Variants in SNTG1 observed in about 807,000 individuals in gnomAD.
The protein encoded by SNTG1 is gamma-1-syntrophin.
Under a neutral mutation model 74.7 loss-of-function variants are expected in SNTG1, and 39 were observed. That is an observed-to-expected ratio of 0.52 (90% CI 0.40 to 0.68). The LOEUF is 0.68. Ranked by LOEUF, SNTG1 falls within the 30% of genes least tolerant of loss-of-function variation. SNTG1 has a pLI of 0.00. For synonymous variants in SNTG1, 254 were observed against 217.1 expected (o/e 1.17, Z -1.49); for missense variants, 685 against 609.5 (o/e 1.12, Z -1.30).
In SNTG1 at chr8:50,708,046, C is replaced by G. The variant is rs1365882776; in HGVS notation, c.1192-840C>G. 8 of 259,446 alleles carry G rather than the reference C, an allele frequency of 3.1e-5. No homozygotes were observed. In the East Asian group the frequency reaches 5.1e-4, roughly 17 times the overall value. The allele number at this position is 259,446 out of a possible 1,614,324, so 16.1% of individuals were successfully genotyped here. A position where few individuals can be genotyped will look rare whatever the true frequency, so the allele number is the denominator to read the frequency against. ...TGAAACCCCGTCTCTACTAAAAATA[C>G]AAAAATTAGCCAGGCACGGTGGCGG... On this transcript the variant is annotated intron_variant, in intron 16 of 18. Transcript: ENST00000642720.
At chr8:50,581,160 A>T in intron 12 of SNTG1, among the ~76,000 whole-genome samples, 1 of 152,096 alleles carries the variant, frequency 6.6e-6, no homozygotes, top group Non-Finnish European at 1.5e-5. Flanking sequence ...AAGAGCACAT[A>T]AAATTATAAG....
At chr8:50,508,527 A>C (rs1308759081) in intron 9 of SNTG1, among the ~76,000 whole-genome samples, 1 of 152,230 alleles carries the variant, frequency 6.6e-6, no homozygotes, top group Non-Finnish European at 1.5e-5. Context: ...ACTAGTTTAC[A>C]GTCCCACCAA....
At chr8:50,202,795 G>GA (rs1193179539) in intron 2 of SNTG1, among the ~76,000 whole-genome samples, 1 of 133,258 alleles carries the variant, frequency 7.5e-6, no homozygotes, top group Non-Finnish European at 1.7e-5. Flanking sequence ...TCTTTGTTTT[G>GA]TTTTTTTTTT....
At chr8:49,928,266 C>A in intron 1 of SNTG1, among the ~76,000 whole-genome samples, 1 of 151,536 alleles carries the variant, frequency 6.6e-6, no homozygotes, top group Non-Finnish European at 1.5e-5. Flanking sequence ...CTAGCTCTGT[C>A]CCCCAGACTG....
chr8:50,044,545 CATG>C (rs1319147756), intron 1 of SNTG1, among the ~76,000 whole-genome samples: 1 of 152,118 alleles, frequency 6.6e-6, no homozygotes, highest in Non-Finnish European at 1.5e-5. Context: ...TTACTTTGAA[CATG>C]ATATTTTGTG....
At chr8:50,783,215 C>T (rs111561865) in intron 18 of SNTG1, among the ~76,000 whole-genome samples, 116 of 152,296 alleles carry the variant, frequency 7.6e-4, no homozygotes, top group African/African-American at 2.5e-3. Flanking sequence ...AGAACCACTG[C>T]TCTCTTCAAA....
intron 15 of SNTG1, among the ~76,000 whole-genome samples, chr8:50,683,274 C>T (rs1194756745): frequency 1.3e-5 from 2 of 152,032 alleles, no homozygotes; most frequent in Admixed American, 6.6e-5. Context: ...AATATTTCCC[C>T]GTTGAAAGTT....
intron 8 of SNTG1, among the ~76,000 whole-genome samples, chr8:50,498,645 A>T (rs2093924738): frequency 6.6e-6 from 1 of 151,902 alleles, no homozygotes; most frequent in Non-Finnish European, 1.5e-5. Flanking sequence ...TTGGATTAAT[A>T]ACTACAAAAA....
chr8:50,456,444 A>C lies in SNTG1; in HGVS notation c.363+5715A>C, dbSNP rs1201383618. ...GGAAGTCCAAGATTAAGGCACCAAC[A>C]GGCTTGGAGTGCACTGAGGGCTGCT... is the stretch of plus-strand genomic sequence containing the variant. On this transcript the variant is annotated intron_variant, in intron 8 of 18. Coordinates refer to ENST00000642720, the MANE Select transcript of SNTG1 (RefSeq NM_018967.5). 2.6e-5 allele frequency among the ~76,000 whole-genome samples: 4 copies of C among 152,016 alleles called. No homozygotes were observed. The East Asian group carries it at 7.8e-4, about 30-fold the overall frequency.
intron 2 of SNTG1, among the ~76,000 whole-genome samples, chr8:50,267,038 C>A (rs2087519407): frequency 6.6e-6 from 1 of 151,824 alleles, no homozygotes; most frequent in Non-Finnish European, 1.5e-5. Flanking sequence ...TTCTGCTATC[C>A]TTAGGACATA....
intron 13 of SNTG1, among the ~76,000 whole-genome samples, chr8:50,625,887 C>G (rs2094953304): frequency 6.6e-6 from 1 of 152,124 alleles, no homozygotes; most frequent in Non-Finnish European, 1.5e-5. Flanking sequence ...GATAAGAGTA[C>G]ATATTTATTG....
At chr8:50,276,297 G>A (rs1188949973) in intron 2 of SNTG1, among the ~76,000 whole-genome samples, 2 of 151,602 alleles carry the variant, frequency 1.3e-5, no homozygotes, top group Non-Finnish European at 2.9e-5. Flanking sequence ...GTTCTTAGCA[G>A]TATGCTGTGA....
At chr8:50,530,041 T>C in intron 9 of SNTG1, 136 bp from the exon 10 acceptor site, 1 of 728,462 alleles carries the variant, frequency 1.4e-6, no homozygotes, top group African/African-American at 1.8e-5. Context: ...GGCTTTAGTA[T>C]AACTGAGATA....
chr8:49,951,613 T>G (rs1301742660), intron 1 of SNTG1, among the ~76,000 whole-genome samples: 289 of 102,488 alleles, frequency 2.8e-3, no homozygotes, highest in African/African-American at 3.5e-3. Context: ...TGTGGTGGGG[T>G]GGGGGGAGCG....
intron 12 of SNTG1, among the ~76,000 whole-genome samples, chr8:50,571,218 T>A (rs2094547584): frequency 6.6e-6 from 1 of 152,140 alleles, no homozygotes; most frequent in East Asian, 1.9e-4. Flanking sequence ...CCCCATAGCA[T>A]ACCAACGCTG....
At chr8:50,640,486 G>A (rs1175996513) in intron 13 of SNTG1, among the ~76,000 whole-genome samples, 3 of 152,140 alleles carry the variant, frequency 2.0e-5, no homozygotes, top group Non-Finnish European at 4.4e-5. Flanking sequence ...TAAACTTGGA[G>A]ATGGATAGGT....
intron 2 of SNTG1, among the ~76,000 whole-genome samples, chr8:50,180,854 A>C (rs563002443): frequency 7.1e-6 from 1 of 140,934 alleles, no homozygotes; most frequent in African/African-American, 2.7e-5. Flanking sequence ...TCCACCTCCC[A>C]GGTTCAAGCG....
At chr8:50,155,770 A>T (rs1279627836) in intron 1 of SNTG1, among the ~76,000 whole-genome samples, 2 of 152,022 alleles carry the variant, frequency 1.3e-5, no homozygotes. Flanking sequence ...GAAAGATTTA[A>T]TGTAATTCAA....
At chr8:50,282,490 G>T (rs1274985920) in intron 2 of SNTG1, among the ~76,000 whole-genome samples, 3 of 152,080 alleles carry the variant, frequency 2.0e-5, no homozygotes, top group Middle Eastern at 3.2e-3. Flanking sequence ...AATTTATAAG[G>T]CCAGGAAAAC....
Sources: allele counts gnomAD v4.1 joint callset (sites outside exome capture counted in the v4.1 genomes callset), GRCh38; gene constraint gnomAD v4.1.1; transcripts MANE v1.5; gene names NCBI Gene and HGNC (gene_info 2026-07-23, HGNC 2026-07-21).